TNNI3K: variants seen among roughly 807,000 people sequenced by gnomAD.
The protein encoded by TNNI3K is serine/threonine-protein kinase TNNI3K.
In TNNI3K, 140 loss-of-function variants were observed where a neutral mutation model predicts 114.5. The observed-to-expected ratio is 1.22, with a 90% CI of 1.07 to 1.41. TNNI3K has a LOEUF of 1.41. Among genes scored for constraint, TNNI3K ranks in the 40% most tolerant of loss-of-function variants. TNNI3K has a pLI of 0.00. For missense variants in TNNI3K, 1,125 were observed against 1,007.6 expected (o/e 1.12, Z -1.58); for synonymous variants, 347 against 347.5 (o/e 1.00, Z 0.02).
At chr1:74,517,307 G>C (rs552367213) in intron 23 of TNNI3K, among the ~76,000 whole-genome samples, 2 of 152,290 alleles carry the variant, frequency 1.3e-5, no homozygotes, top group Non-Finnish European at 2.9e-5. Context: ...ACGTTCATTA[G>C]AATTTTCACT....
At chr1:74,238,842 T>C (rs1654019347) in intron 2 of TNNI3K, among the ~76,000 whole-genome samples, 2 of 152,026 alleles carry the variant, frequency 1.3e-5, no homozygotes, top group Non-Finnish European at 2.9e-5. Flanking sequence ...CTGCAAGAAC[T>C]AGGGGCCTCT....
At chr1:74,268,429 G>T (rs1335922509) in intron 4 of TNNI3K, among the ~76,000 whole-genome samples, 1 of 151,830 alleles carries the variant, frequency 6.6e-6, no homozygotes, top group African/African-American at 2.4e-5. Flanking sequence ...GGCTAAACTA[G>T]TAGACGTTTT....
intron 17 of TNNI3K, among the ~76,000 whole-genome samples, chr1:74,393,904 T>C (rs1212071269): frequency 6.6e-6 from 1 of 152,228 alleles, no homozygotes; most frequent in Non-Finnish European, 1.5e-5. Flanking sequence ...ATGACCCTGC[T>C]GATCTGACAG....
intron 23 of TNNI3K, among the ~76,000 whole-genome samples, chr1:74,527,145 A>G (rs1387931264): frequency 1.3e-5 from 2 of 152,230 alleles, no homozygotes; most frequent in Non-Finnish European, 1.5e-5. Flanking sequence ...GGCTACCTTC[A>G]GGTCACTGTA....
intron 17 of TNNI3K, among the ~76,000 whole-genome samples, chr1:74,406,804 G>C (rs1291197744): frequency 1.3e-5 from 2 of 152,214 alleles, no homozygotes; most frequent in African/African-American, 4.8e-5. Context: ...CCACAGTCAA[G>C]TGTGAATGGC....
chr1:74,311,586 AG>A (rs551230519), intron 5 of TNNI3K, among the ~76,000 whole-genome samples: 42 of 152,322 alleles, frequency 2.8e-4, no homozygotes, highest in Middle Eastern at 3.4e-3. Flanking sequence ...ATACATTCCC[AG>A]GGCACATTTC....
intron 21 of TNNI3K, among the ~76,000 whole-genome samples, chr1:74,486,277 C>T (rs1390674224): frequency 6.7e-6 from 1 of 148,914 alleles, no homozygotes; most frequent in Non-Finnish European, 1.5e-5. Flanking sequence ...ACTCACTCCC[C>T]TCCAGGATCT....
At chr1:74,306,559 A>G (rs1658652366) in intron 5 of TNNI3K, among the ~76,000 whole-genome samples, 1 of 152,160 alleles carries the variant, frequency 6.6e-6, no homozygotes, top group Non-Finnish European at 1.5e-5. Flanking sequence ...TGACTTTTTA[A>G]TAATAGCCAT....
intron 17 of TNNI3K, among the ~76,000 whole-genome samples, chr1:74,419,330 T>A (rs1326169916): frequency 6.6e-6 from 1 of 152,104 alleles, no homozygotes; most frequent in African/African-American, 2.4e-5. Flanking sequence ...TCCAAGATGA[T>A]CTCATCTCAA....
At chr1:74,537,498 G>T (rs1204022655) in intron 23 of TNNI3K, among the ~76,000 whole-genome samples, 1 of 152,174 alleles carries the variant, frequency 6.6e-6, no homozygotes, top group African/African-American at 2.4e-5. Context: ...GAATTAATCA[G>T]TGTGAACTGA....
intron 5 of TNNI3K, among the ~76,000 whole-genome samples, chr1:74,297,522 C>CGTGTGTGTGTATGTGT (rs1658065465): frequency 1.4e-5 from 2 of 145,354 alleles, no homozygotes. Context: ...TGTGTGTGTG[C>CGTGTGTGTGTATGTGT]GTGTGTGTGT....
chr1:74,249,679 A>G, intron 3 of TNNI3K, 135 bp downstream of exon 3: 1 of 730,172 alleles, frequency 1.4e-6, no homozygotes, highest in Non-Finnish European at 2.1e-6. Flanking sequence ...TCCAACCTTG[A>G]TAATCTCAGT....
At chr1:74,457,735 A>T (rs567531857) in intron 20 of TNNI3K, among the ~76,000 whole-genome samples, 1 of 152,320 alleles carries the variant, frequency 6.6e-6, no homozygotes, top group East Asian at 1.9e-4. Flanking sequence ...AACAGAAGAC[A>T]GTGAAAGGTT....
chr1:74,492,047 C>T, intron 22 of TNNI3K, 50 bp from the exon 23 acceptor site: 1 of 1,417,952 alleles, frequency 7.1e-7, no homozygotes, highest in Non-Finnish European at 9.4e-7. Flanking sequence ...GTTATGTCTT[C>T]ACACCTGTTG....
chr1:74,542,585 C>T (rs1488181283), intron 24 of TNNI3K, among the ~76,000 whole-genome samples: 3 of 152,130 alleles, frequency 2.0e-5, no homozygotes, highest in African/African-American at 4.8e-5. Flanking sequence ...CTATCAGTGG[C>T]ATTTTCTCTT....
intron 19 of TNNI3K, chr1:74,439,141 A>C: frequency 6.0e-6 from 1 of 167,598 alleles, no homozygotes; most frequent in South Asian, 1.8e-4. Context: ...CTAAGGGAGG[A>C]AGATGTTTAT....
At chr1:74,464,983 C>T (rs903203215) in intron 21 of TNNI3K, 1 of 1,206,670 alleles carries the variant, frequency 8.3e-7, no homozygotes, top group African/African-American at 1.6e-5. Flanking sequence ...AAAATTTCAT[C>T]TTGAAAATTA....
At chr1:74,275,817 A>G (rs1167827164) in intron 5 of TNNI3K, among the ~76,000 whole-genome samples, 1 of 152,088 alleles carries the variant, frequency 6.6e-6, no homozygotes, top group African/African-American at 2.4e-5. Flanking sequence ...AATGTATAAC[A>G]CAATTTCTGT....
intron 2 of TNNI3K, among the ~76,000 whole-genome samples, chr1:74,245,173 T>C (rs545491982): frequency 2.9e-4 from 44 of 152,288 alleles, no homozygotes; most frequent in Admixed American, 5.9e-4. Flanking sequence ...TGATAAGATA[T>C]TGGAAAAAAG....
Sources: gnomAD v4.1 joint callset for allele counts (sites outside exome capture counted in the v4.1 genomes callset) on GRCh38, gnomAD v4.1.1 for gene constraint, MANE v1.5 for transcripts, NCBI Gene and HGNC (gene_info 2026-07-23, HGNC 2026-07-21) for gene names.